Variants in CHD3 observed in about 807,000 individuals in gnomAD.
The protein encoded by CHD3 is ATP-dependent chromatin remodeler CHD3.
CHD3 carries 52 observed loss-of-function variants against 248.9 expected under a neutral mutation model. The ratio of observed to expected loss-of-function variants is 0.21; its 90% CI spans 0.17 to 0.26. The LOEUF (loss-of-function observed/expected upper bound fraction) is 0.26, where lower values mean the gene tolerates loss of function less well. CHD3 is among the 10% of genes least tolerant of loss of function. The pLI is 1.00. For missense variants in CHD3, 1,482 were observed against 2,605.8 expected (o/e 0.57, Z 9.39); for synonymous variants, 985 against 985.2 (o/e 1.00, Z 0.00).
intron 21 of CHD3, 98 bp from the exon 22 acceptor site, chr17:7,902,839 A>C: frequency 1.3e-6 from 2 of 1,581,912 alleles, no homozygotes; most frequent in Non-Finnish European, 1.7e-6. Context: ...TTAGGCTTTG[A>C]GTTGGGGGCA....
In CHD3 at chr17:7,903,504, G is replaced by A. The variant is rs1326667438; in HGVS notation, c.3727+1G>A. 6.2e-7 allele frequency: 1 copy of A among 1,610,266 alleles called. No homozygotes were observed. The highest frequency in any genetic ancestry group is 1.3e-5 in the African/African-American group (1 of 74,950). ...GAGCTATTCAAGGATGAAAACGAGG[G>A]TGAGAACCTTTTCTGCAGCTCTGTG... On this transcript the variant is annotated splice_donor_variant, in intron 23 of 39. Coordinates refer to ENST00000330494, the MANE Select transcript of CHD3 (RefSeq NM_001005273.3). LOFTEE classifies it high-confidence loss of function. The surrounding 1 kb of genome is among the most constrained non-coding windows in gnomAD (Gnocchi z 6.8).
Position 7,888,952 on chromosome 17 carries a change from A to G in CHD3, c.-49A>G, listed in dbSNP as rs1302346675. 1 of 1,613,566 alleles carries G rather than the reference A, an allele frequency of 6.2e-7. No homozygotes were observed. Among genetic ancestry groups the G allele is most frequent in the South Asian group, 1.1e-5 (1 of 91,038 alleles). On this transcript the variant is annotated 5_prime_UTR_variant, in exon 1 of 40. Coordinates refer to ENST00000330494, the MANE Select transcript of CHD3 (RefSeq NM_001005273.3). ...TAGAATTGAAGGTAGGTTTTAGGCT[A>G]CTTGGGAGGAGGAATATTTAGGTAA...
In CHD3 at chr17:7,910,001, C is replaced by G; in HGVS notation, c.5591-427C>G. 3.5e-6 allele frequency: 1 copy of G among 283,284 alleles called. No homozygotes were observed. The highest frequency in any genetic ancestry group is 6.9e-6 in the Non-Finnish European group (1 of 145,972). 17.5% of individuals were successfully genotyped at this position (283,284 alleles called of 1,614,324 possible). A position where few individuals can be genotyped will look rare whatever the true frequency, so the allele number is the denominator to read the frequency against. ...CCCCTTACATATTAAAACCGTGATT[C>G]CTTAAAGCTTTGACACTTACCACCT... On this transcript the variant is annotated intron_variant, in intron 37 of 39. Coordinates refer to ENST00000330494, the MANE Select transcript of CHD3 (RefSeq NM_001005273.3). This position sits in a 1 kb window ranked among gnomAD's most constrained non-coding sequence, Gnocchi z 4.7.
At position 7,907,928 on chromosome 17, in the gene CHD3, GCCT is replaced by G. The variant is rs771656412; in HGVS notation, c.5063_5065del (p.Pro1688del). 3 of 1,612,936 alleles carry G rather than the reference GCCT, an allele frequency of 1.9e-6. No homozygotes were observed. In the South Asian group the frequency reaches 3.3e-5, roughly 18 times the overall value. ...AAGGTGACCGGGAGCTTCGACCAGG[GCCT>G]CGAGATGAGCCACGGTCCAATGGGC... On this transcript the variant is annotated inframe_deletion, in exon 34 of 40. Coordinates refer to ENST00000330494, the MANE Select transcript of CHD3 (RefSeq NM_001005273.3). The surrounding 1 kb of genome is among the most constrained non-coding windows in gnomAD (Gnocchi z 4.3).
chr17:7,906,319 G>A lies in CHD3; in HGVS notation c.4359-234G>A, dbSNP rs1970944916. The A allele has an allele frequency of 1.3e-5, 9 of 675,802 alleles. No individual in the cohort carries two copies. The highest frequency in any genetic ancestry group is 2.1e-5 in the Non-Finnish European group (8 of 377,776). The allele number at this position is 675,802 out of a possible 1,614,324, so 41.9% of individuals were successfully genotyped here. On this transcript the variant is annotated intron_variant, in intron 28 of 39. Transcript: ENST00000330494. This position sits in a 1 kb window ranked among gnomAD's most constrained non-coding sequence, Gnocchi z 5.0. The stretch of plus-strand genomic sequence containing the variant: ...TGGAAAGGATGAAGAGCTGACTGAT[G>A]GGGCCCAGGAATTAAGTACCAAGGC...
chr17:7,902,548 TAGAATA>T, intron 20 of CHD3, 56 bp from the exon 21 acceptor site: 1 of 1,086,090 alleles, frequency 9.2e-7, no homozygotes, highest in Non-Finnish European at 1.4e-6. Context: ...AAGGAGTAGT[TAGAATA>T]AGCAAGCATC....
chr17:7,892,901 T>C (rs1969090805), intron 4 of CHD3, among the ~76,000 whole-genome samples: 2 of 152,168 alleles, frequency 1.3e-5, no homozygotes, highest in Admixed American at 1.3e-4. Context: ...CAAGCCACCC[T>C]CCTGCCTCAG....
intron 12 of CHD3, 140 bp from the exon 13 acceptor site, chr17:7,898,356 C>A: frequency 1.3e-6 from 1 of 741,968 alleles, no homozygotes; most frequent in Non-Finnish European, 2.2e-6. Context: ...ATCCAAAGGG[C>A]AAGGGTAAAG....
chr17:7,899,868 G>A lies in CHD3; in HGVS notation c.2545-28G>A. The A allele has an allele frequency of 6.2e-7, 1 of 1,606,230 alleles. No individual in the cohort carries two copies. The highest frequency in any genetic ancestry group is 8.5e-7 in the Non-Finnish European group (1 of 1,174,924). On this transcript the variant is annotated intron_variant, in intron 15 of 39. Coordinates refer to ENST00000330494, the MANE Select transcript of CHD3 (RefSeq NM_001005273.3). This position sits in a 1 kb window ranked among gnomAD's most constrained non-coding sequence, Gnocchi z 6.8. ...GTAGGTGCATGGTTGTCAGGTGGCA[G>A]CTGAATGGGCAATAATTATGTTGGC...
At chr17:7,885,307 C>CCCG (rs939052371), upstream of CHD3, 12,849 of 157,494 alleles carry the variant, frequency 0.082, 737 homozygotes, top group East Asian at 0.25. Context: ...GCACCCCTCC[C>CCCG]CCGCCGCCGC....
Position 7,907,319 on chromosome 17 carries a change from T to C in CHD3, c.4789-34T>C. 1 of 1,611,170 alleles carries C rather than the reference T, an allele frequency of 6.2e-7. No homozygotes were observed. The highest frequency in any genetic ancestry group is 8.5e-7 in the Non-Finnish European group (1 of 1,178,460). On this transcript the variant is annotated intron_variant, in intron 31 of 39. Coordinates refer to ENST00000330494, the MANE Select transcript of CHD3 (RefSeq NM_001005273.3). The surrounding 1 kb of genome is among the most constrained non-coding windows in gnomAD (Gnocchi z 4.3). ...TTGGAGGCCAGGTACCTGGGAGCCC[T>C]CTGGCTCATCCTGACCCCATTGTCC...
chr17:7,891,574 A>G (rs1428316890), intron 4 of CHD3, among the ~76,000 whole-genome samples: 1 of 152,176 alleles, frequency 6.6e-6, no homozygotes, highest in Non-Finnish European at 1.5e-5. Context: ...AAAATAGCAG[A>G]GATGGGCCAG....
chr17:7,905,815 C>G lies in CHD3; in HGVS notation c.4225-41C>G, dbSNP rs1342927605. 12 of 1,614,000 alleles carry G rather than the reference C, an allele frequency of 7.4e-6. No homozygotes were observed. In the East Asian group the frequency reaches 2.2e-4, roughly 30 times the overall value. ...GTAGAAAGGACAAGACCTAAGAACC[C>G]TAGACATTTGTCGCCATTGCCTCCT... On this transcript the variant is annotated intron_variant, in intron 27 of 39. Transcript: ENST00000330494. This position sits in a 1 kb window ranked among gnomAD's most constrained non-coding sequence, Gnocchi z 5.8.
At position 7,904,153 on chromosome 17, in the gene CHD3, C is replaced by T. The variant is rs763703312; in HGVS notation, c.3894+162C>T. 1.5e-5 allele frequency: 11 copies of T among 711,570 alleles called. No individual in the cohort carries two copies. Among genetic ancestry groups the T allele is most frequent in the South Asian group, 9.4e-5 (5 of 53,460 alleles). 44.1% of individuals were successfully genotyped at this position (711,570 alleles called of 1,614,324 possible). A position where few individuals can be genotyped will look rare whatever the true frequency, so the allele number is the denominator to read the frequency against. Reference sequence around the variant, plus strand: ...GGTGAGACTGGACTTCAGAGAGAAACGTAGGCACAGACAGTACTGGTAAAC... The same window carrying T: ...GGTGAGACTGGACTTCAGAGAGAAATGTAGGCACAGACAGTACTGGTAAAC... On this transcript the variant is annotated intron_variant, in intron 24 of 39. Transcript: ENST00000330494. The surrounding 1 kb of genome is among the most constrained non-coding windows in gnomAD (Gnocchi z 4.4).
chr17:7,888,746 G>A (rs555887897), upstream of CHD3: 8 of 1,259,022 alleles, frequency 6.4e-6, no homozygotes, highest in South Asian at 1.9e-5. Context: ...GTGCGCGCGC[G>A]TGCTTTTGAG....
upstream of CHD3, among the ~76,000 whole-genome samples, chr17:7,887,781 C>T (rs1968197316): frequency 6.6e-6 from 1 of 152,236 alleles, no homozygotes; most frequent in African/African-American, 2.4e-5. Flanking sequence ...TCCCTGAGAT[C>T]CGAGCCGGGG....
Position 7,899,561 on chromosome 17 carries a change from A to C in CHD3, c.2544+18A>C. ...AGATGAAGGTAAGACCCTCTACCTC[A>C]TATCCTCTGAGACCCTCAAAGCTGT... On this transcript the variant is annotated intron_variant, in intron 15 of 39. Coordinates refer to ENST00000330494, the MANE Select transcript of CHD3 (RefSeq NM_001005273.3). This position sits in a 1 kb window ranked among gnomAD's most constrained non-coding sequence, Gnocchi z 6.8. 2 of 1,607,262 alleles carry C rather than the reference A, an allele frequency of 1.2e-6. No individual in the cohort carries two copies. Among genetic ancestry groups the C allele is most frequent in the Non-Finnish European group, 1.7e-6 (2 of 1,174,658 alleles).
Position 7,907,726 on chromosome 17 carries a change from ACC to A in CHD3, c.5026+25_5026+26del. ...AGGTAATGGGTGGAAGGGACCGGAC[ACC>A]TGGGTCCCAGAGGGCATCAGGGGAG... On this transcript the variant is annotated intron_variant, in intron 33 of 39. Transcript: ENST00000330494. This position sits in a 1 kb window ranked among gnomAD's most constrained non-coding sequence, Gnocchi z 4.3. The A allele has an allele frequency of 6.6e-7, 1 of 1,516,200 alleles. No individual in the cohort carries two copies. Among genetic ancestry groups the A allele is most frequent in the East Asian group, 2.4e-5 (1 of 41,598 alleles). The allele number at this position is 1,516,200 out of a possible 1,614,324, so 93.9% of individuals were successfully genotyped here.
chr17:7,895,368 G>C lies in CHD3; in HGVS notation c.1533G>C (p.Lys511Asn). 6.2e-7 allele frequency: 1 copy of C among 1,614,178 alleles called. No individual in the cohort carries two copies. Among genetic ancestry groups the C allele is most frequent in the Non-Finnish European group, 8.5e-7 (1 of 1,180,036 alleles). The change falls in exon 10 of 40, where the codon AAG becomes AAC. Residue 511 changes from lysine (K) to asparagine (N), a missense_variant. Physicochemically the swap from Lys to Asn is moderately conservative, Grantham distance 94 (BLOSUM62 0). Coordinates refer to ENST00000330494, the MANE Select transcript of CHD3 (RefSeq NM_001005273.3). The surrounding 1 kb of genome is among the most constrained non-coding windows in gnomAD (Gnocchi z 4.9). ...TCPVLKGRVQKILHWRWGEPP... is the reference protein window; with the variant it reads ...TCPVLKGRVQNILHWRWGEPP... ...CCGTGCTGAAGGGTCGAGTGCAGAA[G>C]ATCCTACATTGGCGGTGGGGGGAGC...
Sources: gnomAD v4.1 joint callset for allele counts (sites outside exome capture counted in the v4.1 genomes callset) on GRCh38, gnomAD v4.1.1 for gene constraint, Gnocchi (gnomAD v3.1) non-coding constraint, MANE v1.5 for transcripts, NCBI Gene and HGNC (gene_info 2026-07-23, HGNC 2026-07-21) for gene names.